The following TAF6 variants were observed in gnomAD, a reference collection of about 807,000 sequenced individuals.
TAF6 encodes the protein TATA-box binding protein associated factor 6, also known as transcription initiation factor TFIID subunit 6.
In TAF6, 50 loss-of-function variants were observed where a neutral mutation model predicts 73.5. The observed-to-expected ratio is 0.68, with a 90% CI of 0.54 to 0.86. The LOEUF (loss-of-function observed/expected upper bound fraction) is 0.86. Ranked by LOEUF, TAF6 falls within the 40% of genes least tolerant of loss-of-function variation. The pLI, the probability that TAF6 is intolerant of heterozygous loss-of-function variation, is 0.00. For missense variants in TAF6, 768 were observed against 899.5 expected (o/e 0.85, Z 1.87); for synonymous variants, 424 against 376.7 (o/e 1.13, Z -1.45).
At chr7:100,124,643 G>T (rs1880949), upstream of TAF6, 437,673 of 1,611,178 alleles carry the variant, frequency 0.27, 61,201 homozygotes, top group East Asian at 0.38. Flanking sequence ...TAAGCGTAAG[G>T]GTTGAACTCC....
chr7:100,126,214 C>T, the TAF6 span, among the ~76,000 whole-genome samples: 1 of 151,972 alleles, frequency 6.6e-6, no homozygotes, highest in African/African-American at 2.4e-5. Flanking sequence ...TGGTGGTGGG[C>T]GCCTGTAATC....
In TAF6 at chr7:100,110,348, G is replaced by A. The variant is rs914874263; in HGVS notation, c.1084-74C>T. On this transcript the variant is annotated intron_variant, in intron 10 of 14. Transcript: ENST00000453269. The stretch of plus-strand genomic sequence containing the variant: ...TTGACAGGGACCTAAGTCTTTCATA[G>A]ACACTTTCCTTGTAAATCATTAAGA... 8 of 1,500,484 alleles carry A rather than the reference G, an allele frequency of 5.3e-6. No individual in the cohort carries two copies. In the Middle Eastern group the frequency reaches 8.6e-4, roughly 161 times the overall value. 92.9% of individuals were successfully genotyped at this position (1,500,484 alleles called of 1,614,324 possible).
At chr7:100,121,906 C>T (rs565947580), upstream of TAF6, 14 of 201,806 alleles carry the variant, frequency 6.9e-5, no homozygotes, top group Admixed American at 6.4e-4. Context: ...AAAAATTAGC[C>T]GGGCGTGGTG....
intron 5 of TAF6, 24 bp downstream of exon 5, chr7:100,113,319 GAGACCC>G (rs765132360): frequency 2.6e-6 from 4 of 1,549,838 alleles, no homozygotes; most frequent in Non-Finnish European, 3.5e-6. Flanking sequence ...AAGGGACCCA[GAGACCC>G]AGAGGGTGGG....
chr7:100,124,657 C>A (rs757837953), upstream of TAF6: 4 of 1,611,666 alleles, frequency 2.5e-6, no homozygotes, highest in Non-Finnish European at 3.4e-6. Context: ...GAACTCCTCT[C>A]CTGCCAAGCC....
chr7:100,109,724 G>C (rs1365180233), intron 12 of TAF6, among the ~76,000 whole-genome samples: 1 of 151,744 alleles, frequency 6.6e-6, no homozygotes, highest in Non-Finnish European at 1.5e-5. Context: ...ATACTCCTAG[G>C]CTCCCAGAGT....
chr7:100,109,373 A>G (rs1480046839), intron 12 of TAF6, among the ~76,000 whole-genome samples: 1 of 152,112 alleles, frequency 6.6e-6, no homozygotes, highest in Non-Finnish European at 1.5e-5. Flanking sequence ...TAATGTGTGA[A>G]TGAACTTGCT....
At chr7:100,113,123 G>A (rs776030557) in intron 5 of TAF6, among the ~76,000 whole-genome samples, 24 of 152,220 alleles carry the variant, frequency 1.6e-4, no homozygotes, top group East Asian at 9.7e-4. Context: ...AAAATTAGCC[G>A]GGCGTGGTGG....
rs1562917729 is a variant in TAF6 at position 100,107,596 on chromosome 7, C to CG, written c.1683dup (p.Gly562ArgfsTer176). 6.2e-7 allele frequency: 1 copy of CG among 1,613,212 alleles called. No individual in the cohort carries two copies. The highest frequency in any genetic ancestry group is 8.5e-7 in the Non-Finnish European group (1 of 1,179,830). Reference sequence around the variant, plus strand: ...GGCGAAGTGGTGGTGGAACCTGAGCCGGGGGCCGAGGTGCTGAGGGACAGG... The same window carrying CG: ...GGCGAAGTGGTGGTGGAACCTGAGCCGGGGGGCCGAGGTGCTGAGGGACAGG... On this transcript the variant is annotated frameshift_variant, in exon 15 of 15. Coordinates refer to ENST00000453269, the MANE Select transcript of TAF6 (RefSeq NM_139315.3). LOFTEE classifies it high-confidence loss of function.
chr7:100,113,843 C>A (rs775410942), intron 3 of TAF6, 25 bp downstream of exon 3: 82 of 1,611,380 alleles, frequency 5.1e-5, no homozygotes, highest in East Asian at 6.7e-5. Flanking sequence ...GTCTCACCCC[C>A]CCCCCGCCTG....
chr7:100,117,817 C>T (rs1314143356), intron 1 of TAF6, among the ~76,000 whole-genome samples: 1 of 149,450 alleles, frequency 6.7e-6, no homozygotes, highest in Non-Finnish European at 1.5e-5. Context: ...CCGAGGCGGG[C>T]GGATCACTAG....
At chr7:100,116,773 T>G (rs190721529) in intron 1 of TAF6, 4 of 152,346 alleles carry the variant, frequency 2.6e-5, no homozygotes, top group Non-Finnish European at 5.9e-5. Context: ...GACACATACA[T>G]TCCTTCTGGC....
chr7:100,107,213 T>C lies in TAF6; in HGVS notation c.*33A>G, dbSNP rs759333845. 6.6e-7 allele frequency: 1 copy of C among 1,518,582 alleles called. No individual in the cohort carries two copies. The highest frequency in any genetic ancestry group is 1.3e-5 in the South Asian group (1 of 75,344). 94.1% of individuals were successfully genotyped at this position (1,518,582 alleles called of 1,614,324 possible). ...ACGTGCACGTGTGTACATGTCTGCA[T>C]GTGTGGGAATCCGGGGGCTGGCAGG... On this transcript the variant is annotated 3_prime_UTR_variant, in exon 15 of 15. Transcript: ENST00000453269.
At chr7:100,122,301 GCACCGGTCGATCT>G, upstream of TAF6, 1 of 1,614,088 alleles carries the variant, frequency 6.2e-7, no homozygotes, top group South Asian at 1.1e-5. Context: ...GAACTGAGTC[GCACCGGTCGATCT>G]CGAGAGGTGC....
chr7:100,107,230 G>A lies in TAF6; in HGVS notation c.*16C>T, dbSNP rs781181541. The A allele has an allele frequency of 4.6e-6, 7 of 1,520,136 alleles. No individual in the cohort carries two copies. The highest frequency in any genetic ancestry group is 6.2e-6 in the Non-Finnish European group (7 of 1,137,156). The allele number at this position is 1,520,136 out of a possible 1,614,324, so 94.2% of individuals were successfully genotyped here. On this transcript the variant is annotated 3_prime_UTR_variant, in exon 15 of 15. Transcript: ENST00000453269. ...TGTCTGCATGTGTGGGAATCCGGGG[G>A]CTGGCAGGTGGAGCATCACGGAGCA...
upstream of TAF6, chr7:100,119,502 G>C: frequency 1.5e-6 from 2 of 1,338,242 alleles, no homozygotes; most frequent in African/African-American, 3.0e-5. Context: ...CTCCCTCTTG[G>C]TGTAATTACT....
upstream of TAF6, chr7:100,122,078 C>A: frequency 1.7e-6 from 1 of 581,644 alleles, no homozygotes; most frequent in South Asian, 2.2e-5. Flanking sequence ...ATGAAGAAAC[C>A]GAGGCACAGC....
upstream of TAF6, chr7:100,122,041 G>A: frequency 2.3e-6 from 1 of 432,012 alleles, no homozygotes; most frequent in Non-Finnish European, 3.9e-6. Context: ...CAGAGCGAGA[G>A]TCCGTCTGAA....
chr7:100,122,824 A>G, upstream of TAF6: 1 of 1,614,032 alleles, frequency 6.2e-7, no homozygotes, highest in Non-Finnish European at 8.5e-7. Context: ...GGCCTAGTGC[A>G]GAAGGGGGTG....
Sources: allele counts gnomAD v4.1 joint callset (sites outside exome capture counted in the v4.1 genomes callset), GRCh38; gene constraint gnomAD v4.1.1; transcripts MANE v1.5; gene names NCBI Gene and HGNC (gene_info 2026-07-23, HGNC 2026-07-21).